The following RGS3 variants were observed in gnomAD, a reference collection of about 807,000 sequenced individuals.
RGS3 encodes the protein regulator of G-protein signalling 3.
A neutral mutation model predicts 132.6 loss-of-function variants in RGS3; 80 were observed. The observed-to-expected ratio is 0.60, with a 90% CI of 0.50 to 0.73. The LOEUF (loss-of-function observed/expected upper bound fraction) is 0.73. Among genes scored for constraint, RGS3 ranks in the 30% least tolerant of loss-of-function variants. The probability of loss-of-function intolerance (pLI) is 0.00; values close to 1 mark genes in which losing one functional copy is unlikely to be tolerated. For synonymous variants in RGS3, 598 were observed against 620.6 expected (o/e 0.96, Z 0.54); for missense variants, 1,382 against 1,530.8 (o/e 0.90, Z 1.62).
At chr9:113,460,116 C>T (rs1361623790), upstream of RGS3, 1 of 568,326 alleles carries the variant, frequency 1.8e-6, no homozygotes, top group South Asian at 2.9e-5. Context: ...TTTCTGTATA[C>T]ATTTTGCCAG....
chr9:113,509,283 T>TAA (rs80336967), intron 14 of RGS3, among the ~76,000 whole-genome samples: 4 of 139,908 alleles, frequency 2.9e-5, no homozygotes, highest in East Asian at 2.1e-4. Context: ...AGACTCTGTC[T>TAA]AAAAAAAAAA....
chr9:113,580,848 C>T (rs1435376539), intron 19 of RGS3: 7 of 985,794 alleles, frequency 7.1e-6, no homozygotes, highest in Non-Finnish European at 8.4e-6. Context: ...CTCTGACTGA[C>T]AGTCACCACT....
chr9:113,535,248 A>G (rs1832631814), intron 18 of RGS3, among the ~76,000 whole-genome samples: 2 of 151,956 alleles, frequency 1.3e-5, no homozygotes, highest in African/African-American at 4.8e-5. Context: ...ATCCTGGCTC[A>G]CTGCAACCTC....
chr9:113,594,103 C>G, intron 21 of RGS3: 1 of 1,613,160 alleles, frequency 6.2e-7, no homozygotes, highest in South Asian at 1.1e-5. Flanking sequence ...GTCTGAGTCC[C>G]AGCCCCGGCT....
chr9:113,529,392 C>A, intron 18 of RGS3, 128 bp downstream of exon 16: 1 of 840,940 alleles, frequency 1.2e-6, no homozygotes, highest in Non-Finnish European at 2.0e-6. Flanking sequence ...AAGTCCTGGG[C>A]AAGGCCAGAG....
Position 113,508,586 on chromosome 9 carries a change from T to C in RGS3, c.1477+6T>C. On this transcript the variant is annotated splice_donor_region_variant and intron_variant, in intron 14 of 24. Transcript: ENST00000350696. ...GGAGGATACCATCCCCGAAGGTGAG[T>C]CTCCTGCTGCTGCTGTGCCCTCCTA... 2 of 1,611,768 alleles carry C rather than the reference T, an allele frequency of 1.2e-6. No individual in the cohort carries two copies. Among genetic ancestry groups the C allele is most frequent in the South Asian group, 2.2e-5 (2 of 91,072 alleles).
rs1047884036 is a variant in RGS3, at chr9:113,591,211, G to A, written c.3016-122G>A. The A allele has an allele frequency of 7.4e-6, 6 of 811,968 alleles. No individual in the cohort carries two copies. The highest frequency in any genetic ancestry group is 6.6e-5 in the Admixed American group (3 of 45,512). 50.3% of individuals were successfully genotyped at this position (811,968 alleles called of 1,614,324 possible). On this transcript the variant is annotated intron_variant, in intron 20 of 24. Coordinates refer to ENST00000350696, the Ensembl canonical transcript of RGS3. The surrounding 1 kb of genome is among the most constrained non-coding windows in gnomAD (Gnocchi z 4.4). The stretch of plus-strand genomic sequence containing the variant: ...TTTCCCTCCCTCACCTGTGTGCCGC[G>A]GGTGGGGGCTTTGGGGATGGAAGGG...
chr9:113,558,953 A>C (rs1833677060), intron 19 of RGS3, among the ~76,000 whole-genome samples: 1 of 152,212 alleles, frequency 6.6e-6, no homozygotes, highest in African/African-American at 2.4e-5. Context: ...ACCCCAGTGC[A>C]TTTTAGAGAC....
chr9:113,502,173 C>T (rs1183875734), intron 10 of RGS3, among the ~76,000 whole-genome samples: 1 of 152,152 alleles, frequency 6.6e-6, no homozygotes, highest in Non-Finnish European at 1.5e-5. Flanking sequence ...GGCCTCTTAG[C>T]CTCCGGTCTT....
At chr9:113,531,492 C>T (rs1243448535) in intron 18 of RGS3, among the ~76,000 whole-genome samples, 1 of 152,146 alleles carries the variant, frequency 6.6e-6, no homozygotes, top group Non-Finnish European at 1.5e-5. Flanking sequence ...AAGCACTTAG[C>T]ACAGAGCCTG....
At chr9:113,467,318 A>G (rs1829675447) in intron 3 of RGS3, among the ~76,000 whole-genome samples, 1 of 152,176 alleles carries the variant, frequency 6.6e-6, no homozygotes, top group Non-Finnish European at 1.5e-5. Context: ...TCTTTTCCAA[A>G]GTAGGTGTAT....
chr9:113,489,889 T>C (rs1169686914), intron 7 of RGS3, among the ~76,000 whole-genome samples: 1 of 152,114 alleles, frequency 6.6e-6, no homozygotes, highest in African/African-American at 2.4e-5. Flanking sequence ...TTGAAACTGA[T>C]AGGAGATAAC....
rs751042590 is a variant in RGS3, at chr9:113,594,188, G to A, written c.3081-242G>A. 18 of 1,612,874 alleles carry A rather than the reference G, an allele frequency of 1.1e-5. No individual in the cohort carries two copies. In the East Asian group the frequency reaches 1.6e-4, roughly 14 times the overall value. Reference sequence around the variant, plus strand: ...GCTGCAGCCTGCACCGTTGCTGCCCGCTGCCCAGGACGCGGGGTGGGGGAC... The same window carrying A: ...GCTGCAGCCTGCACCGTTGCTGCCCACTGCCCAGGACGCGGGGTGGGGGAC... On this transcript the variant is annotated intron_variant, in intron 21 of 24. Coordinates refer to ENST00000350696, the Ensembl canonical transcript of RGS3.
chr9:113,541,301 G>T (rs1186527935), intron 19 of RGS3: 2 of 1,610,856 alleles, frequency 1.2e-6, no homozygotes, highest in African/African-American at 2.7e-5. Flanking sequence ...GCTAATTCCA[G>T]TTCTGTCTGG....
At chr9:113,594,601 G>A (rs78606763) in intron 22 of RGS3, 70 bp downstream of exon 20, 25,556 of 1,311,964 alleles carry the variant, frequency 0.019, 312 homozygotes, top group Non-Finnish European at 0.025. Context: ...GGACTGAGTG[G>A]TAGGGTTGAG....
Position 113,596,782 on chromosome 9 carries a change from C to G in RGS3, c.3426C>G (p.Ser1142=), listed in dbSNP as rs377630571. ...TGCCTCCCCAGGTCAACCTGGACTC[C>G]TACACGCGGGAGCACACCAAGGACA... Residue 1142 remains serine, a synonymous_variant, in exon 25 of 25, where the codon TCC becomes TCG. Coordinates refer to ENST00000350696, the Ensembl canonical transcript of RGS3. The G allele has an allele frequency of 3.1e-6, 5 of 1,611,220 alleles. No individual in the cohort carries two copies. In the East Asian group the frequency reaches 1.1e-4, roughly 36 times the overall value.
At chr9:113,544,676 A>C (rs1406073280) in intron 19 of RGS3, among the ~76,000 whole-genome samples, 1 of 152,210 alleles carries the variant, frequency 6.6e-6, no homozygotes, top group Admixed American at 6.5e-5. Flanking sequence ...ATCTCCCCCC[A>C]GCCTCCCAGC....
chr9:113,591,366 G>A lies in RGS3; in HGVS notation c.3049G>A (p.Glu1017Lys), dbSNP rs368247804. The A allele has an allele frequency of 1.6e-5, 26 of 1,613,546 alleles. No homozygotes were observed. The highest frequency in any genetic ancestry group is 5.0e-5 in the Admixed American group (3 of 60,006). Residue 1017 changes from glutamate (E) to lysine (K), a missense_variant, in exon 21 of 25, where the codon GAA (glutamate) becomes AAA (lysine). By Grantham distance (56) the Glu-to-Lys change is moderately conservative (BLOSUM62 1). Transcript: ENST00000350696. The surrounding 1 kb of genome is among the most constrained non-coding windows in gnomAD (Gnocchi z 4.4). ...GGCTGACACCGTTGGGGATGATGAC[G>A]AAGCCTCCCGGAAGAGAAAGAGCAA...
intron 7 of RGS3, among the ~76,000 whole-genome samples, chr9:113,488,634 G>A (rs1301910678): frequency 6.6e-6 from 1 of 152,196 alleles, no homozygotes; most frequent in Non-Finnish European, 1.5e-5. Context: ...TGAGGCCAGG[G>A]AAAGTGAGTC....
Sources: gnomAD v4.1 joint callset for allele counts (sites outside exome capture counted in the v4.1 genomes callset) on GRCh38, gnomAD v4.1.1 for gene constraint, Gnocchi (gnomAD v3.1) non-coding constraint, MANE v1.5 for transcripts, NCBI Gene and HGNC (gene_info 2026-07-23, HGNC 2026-07-21) for gene names.